Variants in TEK observed in about 807,000 individuals in gnomAD.
TEK encodes the protein angiopoietin-1 receptor.
Under a neutral mutation model 131.8 loss-of-function variants are expected in TEK, and 43 were observed. The ratio of observed to expected loss-of-function variants is 0.33; its 90% CI spans 0.26 to 0.42. TEK has a LOEUF of 0.42. Among genes scored for constraint, TEK ranks in the 10% least tolerant of loss-of-function variants. TEK has a pLI of 1.00. For synonymous variants in TEK, 580 were observed against 491.6 expected (o/e 1.18, Z -2.38); for missense variants, 1,162 against 1,384.4 (o/e 0.84, Z 2.55).
intron 1 of TEK, among the ~76,000 whole-genome samples, chr9:27,154,726 G>A (rs942211173): frequency 2.0e-5 from 3 of 152,226 alleles, no homozygotes; most frequent in East Asian, 3.9e-4. Context: ...GATCCTTCTG[G>A]TACTGTAAAT....
intron 1 of TEK, among the ~76,000 whole-genome samples, chr9:27,154,919 A>G (rs1346608774): frequency 1.3e-5 from 2 of 152,252 alleles, no homozygotes; most frequent in Non-Finnish European, 2.9e-5. Context: ...ATACATACCT[A>G]GAAATAATTT....
In TEK at chr9:27,197,518, C is replaced by A; in HGVS notation, c.1828C>A (p.Gln610Lys). The change falls in exon 12 of 23, where the codon CAG (glutamine) becomes AAG (lysine). Residue 610 changes from glutamine to lysine, a missense_variant. Physicochemically the swap from Gln to Lys is moderately conservative, Grantham distance 53. This residue lies in a region of TEK where 477 missense variants were observed against 471.0 expected (regional missense o/e 1.01). Coordinates refer to ENST00000380036, the MANE Select transcript of TEK (RefSeq NM_000459.5). ...ACTTAACAACTTACATCCCAGGGAGCAGTACGTGGTCCGAGCTAGAGTCAA... is the reference window on the plus strand; with the variant it reads ...ACTTAACAACTTACATCCCAGGGAGAAGTACGTGGTCCGAGCTAGAGTCAA... ...VLLNNLHPRE[Q>K]YVVRARVNTK... 6.2e-7 allele frequency: 1 copy of A among 1,614,068 alleles called. No homozygotes were observed. The highest frequency in any genetic ancestry group is 8.5e-7 in the Non-Finnish European group (1 of 1,179,990).
intron 1 of TEK, among the ~76,000 whole-genome samples, chr9:27,154,546 T>C (rs954606766): frequency 3.3e-5 from 5 of 152,250 alleles, no homozygotes; most frequent in African/African-American, 4.8e-5. Flanking sequence ...TTCCCCCGAA[T>C]AGGTCATCGT....
intron 5 of TEK, 121 bp from the exon 6 acceptor site, chr9:27,173,101 C>A: frequency 7.5e-7 from 1 of 1,340,168 alleles, no homozygotes; most frequent in South Asian, 1.2e-5. Context: ...TCCTACCATG[C>A]CACAGCTGAG....
chr9:27,163,928 C>A (rs1409396437), intron 2 of TEK, among the ~76,000 whole-genome samples: 1 of 152,190 alleles, frequency 6.6e-6, no homozygotes, highest in Non-Finnish European at 1.5e-5. Flanking sequence ...CTTCTCCAGA[C>A]CTTATGGAAT....
At chr9:27,165,612 C>T (rs1158220128) in intron 2 of TEK, among the ~76,000 whole-genome samples, 1 of 152,200 alleles carries the variant, frequency 6.6e-6, no homozygotes, top group Non-Finnish European at 1.5e-5. Context: ...TAGCCTACAT[C>T]ACTTAATATT....
intron 1 of TEK, among the ~76,000 whole-genome samples, chr9:27,133,314 G>C (rs1301405798): frequency 6.6e-6 from 1 of 152,150 alleles, no homozygotes; most frequent in East Asian, 1.9e-4. Flanking sequence ...TAAATAGTTG[G>C]AAAGGTCTAA....
chr9:27,189,185 G>A (rs1191391635), intron 9 of TEK, among the ~76,000 whole-genome samples: 2 of 152,132 alleles, frequency 1.3e-5, no homozygotes, highest in Non-Finnish European at 2.9e-5. Context: ...AGAGCTCATT[G>A]GAAATTCACT....
Position 27,183,316 on chromosome 9 carries a change from G to T in TEK, c.1031-143G>T, listed in dbSNP as rs955227690. On this transcript the variant is annotated intron_variant, in intron 7 of 22. Coordinates refer to ENST00000380036, the MANE Select transcript of TEK (RefSeq NM_000459.5). ...GACCACAATATCATCCACATCACAG[G>T]TGTCTTATGTGATGACAAAACAGTA... 17 of 865,752 alleles carry T rather than the reference G, an allele frequency of 2.0e-5. No homozygotes were observed. In the South Asian group the frequency reaches 2.4e-4, roughly 12 times the overall value. The allele number at this position is 865,752 out of a possible 1,614,324, so 53.6% of individuals were successfully genotyped here.
rs1346082190 is a variant in TEK at position 27,230,046 on chromosome 9, A to G, written c.*814A>G. Reference sequence around the variant, plus strand: ...TGTGACATTTATATATTGAATTAATATCCCTACATGTATTGCACATTGTAA... The same window carrying G: ...TGTGACATTTATATATTGAATTAATGTCCCTACATGTATTGCACATTGTAA... On this transcript the variant is annotated 3_prime_UTR_variant, in exon 23 of 23. Coordinates refer to ENST00000380036, the MANE Select transcript of TEK (RefSeq NM_000459.5). 2 of 152,288 alleles carry G rather than the reference A, an allele frequency of 1.3e-5. No individual in the cohort carries two copies. The highest frequency in any genetic ancestry group is 4.8e-5 in the African/African-American group (2 of 41,446). 9.4% of individuals were successfully genotyped at this position (152,288 alleles called of 1,614,324 possible). A position where few individuals can be genotyped will look rare whatever the true frequency, so the allele number is the denominator to read the frequency against.
At chr9:27,193,920 C>T (rs1238817544) in intron 11 of TEK, among the ~76,000 whole-genome samples, 4 of 152,174 alleles carry the variant, frequency 2.6e-5, no homozygotes, top group Non-Finnish European at 5.9e-5. Context: ...CATCCTCCCA[C>T]CTCAGCTTCC....
intron 21 of TEK, among the ~76,000 whole-genome samples, chr9:27,221,117 A>C (rs981003418): frequency 6.6e-6 from 1 of 152,174 alleles, no homozygotes; most frequent in African/African-American, 2.4e-5. Flanking sequence ...AGGCTTGAGT[A>C]GGCGGTTTTC....
intron 1 of TEK, among the ~76,000 whole-genome samples, chr9:27,117,487 C>T (rs1370637051): frequency 1.3e-5 from 2 of 152,190 alleles, no homozygotes; most frequent in Non-Finnish European, 1.5e-5. Context: ...CAGCCCCACC[C>T]CCATTGTCCC....
At chr9:27,138,594 C>T (rs1822595432) in intron 1 of TEK, among the ~76,000 whole-genome samples, 1 of 152,204 alleles carries the variant, frequency 6.6e-6, no homozygotes, top group African/African-American at 2.4e-5. Context: ...AACTGTTGAG[C>T]AGAGTTCTTG....
rs530692116 is a variant in TEK at position 27,181,115 on chromosome 9, G to T, written c.1030+747G>T. ...ACCTTAAACAACATGGGGGCTAGGGGTACTGACCCTTCTCGCAGTAGAAAA... is the reference window on the plus strand; with the variant it reads ...ACCTTAAACAACATGGGGGCTAGGGTTACTGACCCTTCTCGCAGTAGAAAA... On this transcript the variant is annotated intron_variant, in intron 7 of 22. Transcript: ENST00000380036. Among the ~76,000 whole-genome samples, 33 of 152,172 alleles carry T rather than the reference G, an allele frequency of 2.2e-4. No individual in the cohort carries two copies. The South Asian group carries it at 5.0e-3, about 23-fold the overall frequency.
chr9:27,206,201 C>T (rs1435345387), intron 14 of TEK, among the ~76,000 whole-genome samples: 3 of 152,198 alleles, frequency 2.0e-5, no homozygotes, highest in Admixed American at 1.3e-4. Context: ...TGTGGCTGCC[C>T]CACATAGGCT....
chr9:27,173,164 A>C (rs1428701018), intron 5 of TEK, 58 bp from the exon 6 acceptor site: 1 of 1,601,946 alleles, frequency 6.2e-7, no homozygotes, highest in Non-Finnish European at 8.5e-7. Context: ...CTAAAGAATT[A>C]TGTATTTCAA....
At chr9:27,182,166 T>A (rs1824402798) in intron 7 of TEK, among the ~76,000 whole-genome samples, 1 of 152,162 alleles carries the variant, frequency 6.6e-6, no homozygotes, top group Non-Finnish European at 1.5e-5. Context: ...GTCTGTTCCC[T>A]TCTGCTGATG....
intron 10 of TEK, among the ~76,000 whole-genome samples, chr9:27,191,275 C>T (rs922784550): frequency 6.6e-6 from 1 of 152,022 alleles, no homozygotes; most frequent in African/African-American, 2.4e-5. Flanking sequence ...AGACCCCTCC[C>T]CTAACTTCCT....
Sources: gnomAD v4.1 joint callset for allele counts (sites outside exome capture counted in the v4.1 genomes callset) on GRCh38, gnomAD v4.1.1 for gene constraint, gnomAD v4.1.1 regional missense constraint, MANE v1.5 for transcripts, NCBI Gene and HGNC (gene_info 2026-07-23, HGNC 2026-07-21) for gene names.